TCOF1: variants seen among roughly 807,000 people sequenced by gnomAD.
TCOF1 encodes the protein treacle ribosome biogenesis factor 1, also known as treacle protein.
Under a neutral mutation model 149.0 loss-of-function variants are expected in TCOF1, and 33 were observed. The ratio of observed to expected loss-of-function variants is 0.22; its 90% CI spans 0.17 to 0.30. The LOEUF is 0.30. TCOF1 is among the 10% of genes least tolerant of loss of function. The pLI, the probability that TCOF1 is intolerant of heterozygous loss-of-function variation, is 1.00. For synonymous variants in TCOF1, 789 were observed against 738.8 expected (o/e 1.07, Z -1.10); for missense variants, 1,728 against 1,840.7 (o/e 0.94, Z 1.12).
intron 3 of TCOF1, among the ~76,000 whole-genome samples, chr5:150,364,701 G>T (rs1194022660): frequency 6.6e-6 from 1 of 152,162 alleles, no homozygotes; most frequent in Non-Finnish European, 1.5e-5. Flanking sequence ...ACGCTGTACT[G>T]GGCACTGGTT....
At chr5:150,367,277 C>G (rs1249951522) in intron 3 of TCOF1, among the ~76,000 whole-genome samples, 1 of 152,164 alleles carries the variant, frequency 6.6e-6, no homozygotes, top group East Asian at 1.9e-4. Flanking sequence ...TGCACTCCAG[C>G]CTGGGCGACA....
chr5:150,385,111 G>A (rs1462050545), intron 17 of TCOF1: 1 of 979,314 alleles, frequency 1.0e-6, no homozygotes, highest in African/African-American at 1.8e-5. Flanking sequence ...ATTCCACAAT[G>A]TATATGTGTA....
chr5:150,361,530 A>G (rs915234180), intron 2 of TCOF1, among the ~76,000 whole-genome samples: 1 of 152,240 alleles, frequency 6.6e-6, no homozygotes, highest in African/African-American at 2.4e-5. Context: ...TATTGTCACA[A>G]GTGAGACAGA....
chr5:150,398,533 C>G, intron 25 of TCOF1, 82 bp downstream of exon 25: 2 of 1,596,678 alleles, frequency 1.3e-6, no homozygotes, highest in Non-Finnish European at 1.7e-6. Flanking sequence ...CTGGTTCCTG[C>G]CCCCTTCCCA....
chr5:150,378,486 T>A (rs1171793234), intron 14 of TCOF1: 1 of 245,410 alleles, frequency 4.1e-6, no homozygotes, highest in African/African-American at 2.3e-5. Context: ...GGAAGAGACA[T>A]GTTTCTGACC....
chr5:150,367,859 C>G lies in TCOF1; in HGVS notation c.320C>G (p.Ser107Cys). Residue 107 changes from serine (S) to cysteine (C), a missense_variant, in exon 4 of 27, where the codon TCT becomes TGT. By Grantham distance (112) the Ser-to-Cys change is moderately radical. This residue lies in a region of TCOF1 where 1,696 missense variants were observed against 1,765.4 expected (regional missense o/e 0.96). Transcript: ENST00000643257. ...TTTCTTGCAGCCCCAAGACTAGCAT[C>G]TACCAACTCCTCAGTCCTGGGGGCG... ...ETAKATPRLA[S>C]TNSSVLGADL... 3 of 1,614,234 alleles carry G rather than the reference C, an allele frequency of 1.9e-6. No individual in the cohort carries two copies. Among genetic ancestry groups the G allele is most frequent in the Non-Finnish European group, 2.5e-6 (3 of 1,180,040 alleles).
chr5:150,363,107 C>T (rs183508448), intron 2 of TCOF1, among the ~76,000 whole-genome samples: 14 of 152,272 alleles, frequency 9.2e-5, no homozygotes, highest in African/African-American at 2.9e-4. Context: ...GGAGGCTCCC[C>T]GACTTCCTGC....
At chr5:150,359,594 G>C (rs903262719) in intron 1 of TCOF1, among the ~76,000 whole-genome samples, 9 of 152,174 alleles carry the variant, frequency 5.9e-5, no homozygotes, top group South Asian at 2.1e-4. Flanking sequence ...AGGGACTAAA[G>C]GGTGATGGGC....
Position 150,399,084 on chromosome 5 carries a change from TCATTCCTGAG to T in TCOF1, c.*22+20_*22+29del. 6.2e-7 allele frequency: 1 copy of T among 1,614,188 alleles called. No homozygotes were observed. Among genetic ancestry groups the T allele is most frequent in the Non-Finnish European group, 8.5e-7 (1 of 1,180,018 alleles). ...CACCAGGCACAGGTACGCTTCCCAATCATTCCTGAGCATTCAGGGTGGGAGGACAGCTCTG... is the reference window on the plus strand; with the variant it reads ...CACCAGGCACAGGTACGCTTCCCAATCATTCAGGGTGGGAGGACAGCTCTG... On this transcript the variant is annotated intron_variant, in intron 26 of 26. Transcript: ENST00000643257.
intron 4 of TCOF1, chr5:150,368,488 G>A (rs2150550326): frequency 1.7e-6 from 1 of 575,514 alleles, no homozygotes; most frequent in Non-Finnish European, 3.1e-6. Context: ...TTACCACTTA[G>A]TAAATAACTA....
intron 26 of TCOF1, 44 bp downstream of exon 26, chr5:150,399,114 G>C: frequency 6.2e-7 from 1 of 1,609,182 alleles, no homozygotes; most frequent in South Asian, 1.1e-5. Context: ...TGGGAGGACA[G>C]CTCTGGTGTC....
intron 25 of TCOF1, 134 bp downstream of exon 25, chr5:150,398,585 C>A: frequency 1.4e-6 from 2 of 1,379,476 alleles, no homozygotes; most frequent in Non-Finnish European, 2.0e-6. Context: ...TGTGACACAC[C>A]AGGGAAGAGG....
intron 17 of TCOF1, chr5:150,383,709 C>T: frequency 6.4e-7 from 1 of 1,550,898 alleles, no homozygotes; most frequent in African/African-American, 1.4e-5. Context: ...GGTCCCCTGG[C>T]TCCCTGTATC....
Position 150,379,260 on chromosome 5 carries a change from G to A in TCOF1, c.2510G>A (p.Ser837Asn), listed in dbSNP as rs769089430. ...CCACCAGTGAGAAACCCCCAGAACA[G>A]TACCGTCTTGGCGAGGGGCCCAGCA... Reference protein sequence around the residue: ...VKPPVRNPQNSTVLARGPASV... With the variant: ...VKPPVRNPQNNTVLARGPASV... The change falls in exon 16 of 27, where the codon AGT (serine) becomes AAT (asparagine). Residue 837 changes from serine (S) to asparagine (N), a missense_variant. Coordinates refer to ENST00000643257, the MANE Select transcript of TCOF1 (RefSeq NM_001371623.1). 3 of 1,614,234 alleles carry A rather than the reference G, an allele frequency of 1.9e-6. No homozygotes were observed. The highest frequency in any genetic ancestry group is 1.3e-5 in the African/African-American group (1 of 75,056).
intron 17 of TCOF1, chr5:150,382,935 G>T: frequency 1.5e-6 from 1 of 688,944 alleles, no homozygotes; most frequent in Non-Finnish European, 2.4e-6. Flanking sequence ...CTGTGCATGT[G>T]CAGGAAGGGG....
At chr5:150,367,806 C>T (rs1562304476) in intron 3 of TCOF1, 38 bp from the exon 4 acceptor site, 3 of 1,610,464 alleles carry the variant, frequency 1.9e-6, no homozygotes, top group East Asian at 2.2e-5. Context: ...ATGAGAAAAG[C>T]TCATCTGGCT....
rs772987244 is a variant in TCOF1 at position 150,379,690 on chromosome 5, A to G, written c.2817A>G (p.Ser939=). Residue 939 remains serine, a synonymous_variant, in exon 17 of 27, where the codon TCA becomes TCG. Coordinates refer to ENST00000643257, the MANE Select transcript of TCOF1 (RefSeq NM_001371623.1). ...QDDSGSSSEE[S]DSDGEAPAAV... ...ACTCAGGGAGCAGCAGCGAGGAATC[A>G]GACAGTGATGGGGAGGCACCGGCAG... 4 of 1,614,240 alleles carry G rather than the reference A, an allele frequency of 2.5e-6. No individual in the cohort carries two copies. The highest frequency in any genetic ancestry group is 1.7e-5 in the Admixed American group (1 of 60,036).
chr5:150,386,970 A>G (rs1473065022), intron 17 of TCOF1, among the ~76,000 whole-genome samples: 1 of 152,200 alleles, frequency 6.6e-6, no homozygotes, highest in Non-Finnish European at 1.5e-5. Context: ...TAGATAATGT[A>G]AAGAACCCCC....
At position 150,375,804 on chromosome 5, in the gene TCOF1, C is replaced by T. The variant is rs762214720; in HGVS notation, c.1788C>T (p.Ala596=). 9 of 1,614,246 alleles carry T rather than the reference C, an allele frequency of 5.6e-6. No homozygotes were observed. The highest frequency in any genetic ancestry group is 1.6e-4 in the Middle Eastern group (1 of 6,062). The change falls in exon 12 of 27, where the codon GCC becomes GCT. Residue 596 remains alanine (A), a synonymous_variant. Coordinates refer to ENST00000643257, the MANE Select transcript of TCOF1 (RefSeq NM_001371623.1). ...CCCCTCAGAAGGCAGGGCCTGTAGC[C>T]GTCCAGGTCAAGGCTGAAAAGCCCA... is the stretch of plus-strand genomic sequence containing the variant. ...KGPPQKAGPV[A]VQVKAEKPMD...
Sources: gnomAD v4.1 joint callset for allele counts (sites outside exome capture counted in the v4.1 genomes callset) on GRCh38, gnomAD v4.1.1 for gene constraint, gnomAD v4.1.1 regional missense constraint, MANE v1.5 for transcripts, NCBI Gene and HGNC (gene_info 2026-07-23, HGNC 2026-07-21) for gene names.